TSHR: variants seen among roughly 807,000 people sequenced by gnomAD.
TSHR encodes the protein thyrotropin receptor.
In TSHR, 51 loss-of-function variants were observed where a neutral mutation model predicts 64.1. That is an observed-to-expected ratio of 0.80 (90% CI 0.64 to 1.01). TSHR has a LOEUF of 1.01. Among genes scored for constraint, TSHR ranks in the 50% least tolerant of loss-of-function variants. The pLI, the probability that TSHR is intolerant of heterozygous loss-of-function variation, is 0.00. For missense variants in TSHR, 877 were observed against 942.8 expected, an observed-to-expected ratio of 0.93 and a Z score of 0.91; for synonymous variants, 361 against 361.9, an observed-to-expected ratio of 1.00 and a Z score of 0.03.
rs1181667474 is a variant in TSHR at position 81,024,354 on chromosome 14, T to G, written c.171-37794T>G. 5.3e-5 allele frequency among the ~76,000 whole-genome samples: 8 copies of G among 152,274 alleles called. No individual in the cohort carries two copies. The East Asian group carries it at 5.8e-4, about 11-fold the overall frequency. On this transcript the variant is annotated intron_variant, in intron 1 of 9. Coordinates refer to ENST00000298171, the MANE Select transcript of TSHR (RefSeq NM_000369.5). ...ACCTCCACCTTCCGGGTTCAAGCGA[T>G]TCTTCTGCCTCAGCCTCCCGAGTAG...
chr14:81,053,841 T>C (rs1379035628), intron 1 of TSHR: 1 of 152,188 alleles, frequency 6.6e-6, no homozygotes, highest in Non-Finnish European at 1.5e-5. Context: ...AAAAAATGCA[T>C]ATTCATAATT....
chr14:80,998,879 C>G (rs760385682), intron 1 of TSHR, among the ~76,000 whole-genome samples: 2 of 152,180 alleles, frequency 1.3e-5, no homozygotes. Context: ...TTTATGCCTA[C>G]TACAGATTTT....
At chr14:81,043,710 C>T (rs1370271261) in intron 1 of TSHR, among the ~76,000 whole-genome samples, 9 of 152,102 alleles carry the variant, frequency 5.9e-5, no homozygotes, top group Non-Finnish European at 1.3e-4. Context: ...GTAATGAAAA[C>T]AGCATGGTAC....
rs577152134 is a variant in TSHR at position 81,065,081 on chromosome 14, G to C, written c.242+2862G>C. ...GAATTTATTGGGTGAAAGAGGAAAA[G>C]AGGGAAACAGGGACTCTCAGCAAAG... On this transcript the variant is annotated intron_variant, in intron 2 of 9. Transcript: ENST00000298171. 6.6e-5 allele frequency among the ~76,000 whole-genome samples: 10 copies of C among 152,230 alleles called. No individual in the cohort carries two copies. The East Asian group carries it at 1.5e-3, about 24-fold the overall frequency.
intron 4 of TSHR, among the ~76,000 whole-genome samples, chr14:81,090,217 T>G (rs942243836): frequency 6.6e-6 from 1 of 152,164 alleles, no homozygotes; most frequent in Non-Finnish European, 1.5e-5. Flanking sequence ...GGTAAAGACT[T>G]TGTCTTTGAT....
intron 8 of TSHR, among the ~76,000 whole-genome samples, chr14:81,114,157 T>A (rs11159492): frequency 0.31 from 45,220 of 146,390 alleles, 7,738 homozygotes; most frequent in East Asian, 0.53. Context: ...CTACAAAAAG[T>A]ATCACTGGGG....
chr14:81,052,069 A>G (rs1281275886), intron 1 of TSHR: 1 of 151,926 alleles, frequency 6.6e-6, no homozygotes, highest in East Asian at 1.9e-4. Flanking sequence ...CAATTGTCTA[A>G]TTTTGCTTTT....
intron 8 of TSHR, among the ~76,000 whole-genome samples, chr14:81,137,085 C>T (rs1419784253): frequency 1.3e-5 from 2 of 152,116 alleles, no homozygotes; most frequent in African/African-American, 4.8e-5. Context: ...CATAAAAATG[C>T]TTTGAGAATT....
At chr14:81,028,442 A>C (rs918596304) in intron 1 of TSHR, among the ~76,000 whole-genome samples, 1 of 152,072 alleles carries the variant, frequency 6.6e-6, no homozygotes, top group African/African-American at 2.4e-5. Flanking sequence ...AGGGCTAGAC[A>C]GTAAGAAAAA....
intron 1 of TSHR, among the ~76,000 whole-genome samples, chr14:81,035,684 G>T (rs1373152486): frequency 6.6e-6 from 1 of 152,118 alleles, no homozygotes. Flanking sequence ...GTTGTACTGT[G>T]AATTTAGAGG....
chr14:81,100,131 C>T (rs2300533), intron 7 of TSHR, among the ~76,000 whole-genome samples: 38,975 of 152,076 alleles, frequency 0.26, 7,460 homozygotes, highest in African/African-American at 0.54. Context: ...ACTCTCTTTC[C>T]ATAGTAAATT....
intron 2 of TSHR, among the ~76,000 whole-genome samples, chr14:81,065,714 T>C (rs1436373857): frequency 3.3e-5 from 5 of 152,206 alleles, no homozygotes; most frequent in Admixed American, 1.3e-4. Context: ...AGGCCTGTTT[T>C]GTCATTGTCC....
In TSHR at chr14:81,074,935, C is replaced by A. The variant is rs75742977; in HGVS notation, c.317+6607C>A. 4.4e-3 allele frequency among the ~76,000 whole-genome samples: 668 copies of A among 152,234 alleles called. 8 individuals carry two copies. Among genetic ancestry groups the A allele is most frequent in the African/African-American group, 0.016 (645 of 41,538 alleles). ...CTATATACATTCTCTGAGATGGCTT[C>A]CCAATTCATGTTTAGATTTTGTTCT... On this transcript the variant is annotated intron_variant, in intron 3 of 9. Coordinates refer to ENST00000298171, the MANE Select transcript of TSHR (RefSeq NM_000369.5).
At chr14:80,977,746 A>G (rs1887951386) in intron 1 of TSHR, among the ~76,000 whole-genome samples, 4 of 152,236 alleles carry the variant, frequency 2.6e-5, no homozygotes. Flanking sequence ...CCCTATTCCA[A>G]GTTGCCAGAC....
intron 1 of TSHR, chr14:80,994,285 T>C (rs1888891874): frequency 6.6e-6 from 1 of 152,074 alleles, no homozygotes; most frequent in Non-Finnish European, 1.5e-5. Context: ...AGTAGGCTAT[T>C]AGTAATCATT....
intron 1 of TSHR, among the ~76,000 whole-genome samples, chr14:80,972,154 C>T (rs2110695): frequency 0.16 from 24,882 of 152,020 alleles, 2,325 homozygotes; most frequent in East Asian, 0.44. Flanking sequence ...ATGAAAATTG[C>T]CATGATTGTT....
intron 1 of TSHR, among the ~76,000 whole-genome samples, chr14:80,972,786 C>G (rs1367937964): frequency 1.3e-5 from 2 of 152,202 alleles, no homozygotes; most frequent in Admixed American, 6.5e-5. Context: ...TCCTCCCAGC[C>G]CCTGGAAACC....
intron 1 of TSHR, among the ~76,000 whole-genome samples, chr14:81,026,708 A>G (rs927903464): frequency 6.6e-6 from 1 of 152,050 alleles, no homozygotes; most frequent in Admixed American, 6.6e-5. Flanking sequence ...ATCTTGGGAT[A>G]GAAGTAAAAG....
intron 1 of TSHR, among the ~76,000 whole-genome samples, chr14:81,061,284 T>C (rs575250199): frequency 5.3e-5 from 8 of 152,172 alleles, no homozygotes; most frequent in Admixed American, 2.6e-4. Context: ...CATTGAAAAG[T>C]ACATGCTATA....
Sources: allele counts gnomAD v4.1 joint callset (sites outside exome capture counted in the v4.1 genomes callset), GRCh38; gene constraint gnomAD v4.1.1; transcripts MANE v1.5; gene names NCBI Gene and HGNC (gene_info 2026-07-23, HGNC 2026-07-21).